TSHZ2: variants seen among roughly 807,000 people sequenced by gnomAD.
TSHZ2 encodes the protein teashirt zinc finger homeobox 2.
Under a neutral mutation model 74.4 loss-of-function variants are expected in TSHZ2, and 21 were observed. The ratio of observed to expected loss-of-function variants is 0.28; its 90% CI spans 0.20 to 0.41. TSHZ2 has a LOEUF of 0.41. Ranked by LOEUF, TSHZ2 falls within the 10% of genes least tolerant of loss-of-function variation. TSHZ2 has a pLI of 1.00. For synonymous variants in TSHZ2, 540 were observed against 515.3 expected (o/e 1.05, Z -0.65); for missense variants, 1,244 against 1,293.5 (o/e 0.96, Z 0.59).
rs1491157231 is a variant in TSHZ2, at chr20:53,074,086, A to AT, written c.40+100754dup. Among the ~76,000 whole-genome samples, 1 of 152,142 alleles carries AT rather than the reference A, an allele frequency of 6.6e-6. No individual in the cohort carries two copies. The highest frequency in any genetic ancestry group is 1.5e-5 in the Non-Finnish European group (1 of 68,042). Reference sequence around the variant, plus strand: ...TCGCAATTCTAGCATTGTAAAAGACATGTACATACAACTGTCTCTCACCTT... The same window carrying AT: ...TCGCAATTCTAGCATTGTAAAAGACATTGTACATACAACTGTCTCTCACCTT... On this transcript the variant is annotated intron_variant, in intron 1 of 2. Coordinates refer to ENST00000371497, the MANE Select transcript of TSHZ2 (RefSeq NM_173485.6). This position sits in a 1 kb window ranked among gnomAD's most constrained non-coding sequence, Gnocchi z 5.9.
At chr20:53,109,276 G>T (rs1030467715) in intron 1 of TSHZ2, among the ~76,000 whole-genome samples, 17 of 152,194 alleles carry the variant, frequency 1.1e-4, no homozygotes, top group Admixed American at 8.5e-4. Context: ...TGGCCCACAG[G>T]AAGTGCTCAT....
intron 1 of TSHZ2, among the ~76,000 whole-genome samples, chr20:53,248,372 C>A (rs1218511727): frequency 1.3e-5 from 2 of 152,002 alleles, no homozygotes; most frequent in Non-Finnish European, 2.9e-5. Flanking sequence ...CCATGCCCAG[C>A]CATTAACTTT....
At chr20:53,350,747 A>G (rs922276428) in intron 2 of TSHZ2, among the ~76,000 whole-genome samples, 1 of 152,230 alleles carries the variant, frequency 6.6e-6, no homozygotes, top group Admixed American at 6.5e-5. Flanking sequence ...TTTTTCACAA[A>G]GATGAAACAC....
At chr20:53,011,437 T>C (rs912419258) in intron 1 of TSHZ2, among the ~76,000 whole-genome samples, 2 of 152,206 alleles carry the variant, frequency 1.3e-5, no homozygotes, top group Non-Finnish European at 2.9e-5. Context: ...GGACCAACAG[T>C]GTTCATTCAT....
chr20:53,102,996 T>G (rs745664718), intron 1 of TSHZ2, among the ~76,000 whole-genome samples: 2 of 152,194 alleles, frequency 1.3e-5, no homozygotes, highest in African/African-American at 2.4e-5. Context: ...TACATTTGAG[T>G]ACCTTGCATG....
intron 1 of TSHZ2, among the ~76,000 whole-genome samples, chr20:53,016,566 C>G (rs185311085): frequency 5.3e-5 from 8 of 152,162 alleles, no homozygotes; most frequent in Non-Finnish European, 1.2e-4. Flanking sequence ...TATGAGCATT[C>G]CTGGTCCACA....
chr20:53,090,371 A>G (rs1434763654), intron 1 of TSHZ2, among the ~76,000 whole-genome samples: 1 of 152,074 alleles, frequency 6.6e-6, no homozygotes, highest in East Asian at 1.9e-4. Flanking sequence ...TCAAATCGAC[A>G]CTCAATATTA....
intron 1 of TSHZ2, among the ~76,000 whole-genome samples, chr20:52,994,740 C>T (rs964787595): frequency 6.6e-6 from 1 of 152,146 alleles, no homozygotes; most frequent in Admixed American, 6.5e-5. Context: ...TGGTTGGCCA[C>T]TCTGAGTGTT....
At chr20:53,317,514 C>A (rs772489983) in intron 2 of TSHZ2, among the ~76,000 whole-genome samples, 3 of 152,142 alleles carry the variant, frequency 2.0e-5, no homozygotes, top group African/African-American at 7.2e-5. Flanking sequence ...TCCTCTCCCC[C>A]ACCCCAGAAG....
intron 1 of TSHZ2, among the ~76,000 whole-genome samples, chr20:53,089,138 G>T (rs1336011506): frequency 6.6e-6 from 1 of 151,344 alleles, no homozygotes; most frequent in Non-Finnish European, 1.5e-5. Flanking sequence ...ATGTTCAACA[G>T]CATGTCAGCT....
chr20:53,314,380 G>A (rs779202807), intron 2 of TSHZ2, among the ~76,000 whole-genome samples: 20 of 152,134 alleles, frequency 1.3e-4, no homozygotes, highest in Non-Finnish European at 2.1e-4. Flanking sequence ...GCTTCAAGCA[G>A]CAAAGGTTTG....
At chr20:53,033,345 T>A (rs924542435) in intron 1 of TSHZ2, among the ~76,000 whole-genome samples, 17 of 152,182 alleles carry the variant, frequency 1.1e-4, no homozygotes, top group African/African-American at 3.9e-4. Flanking sequence ...TTTATCGAGT[T>A]TTTCCTACTG....
chr20:53,418,210 G>A (rs1254308256), intron 2 of TSHZ2, among the ~76,000 whole-genome samples: 1 of 152,144 alleles, frequency 6.6e-6, no homozygotes, highest in Non-Finnish European at 1.5e-5. Flanking sequence ...CCCATTCCAG[G>A]TTTTCCATCT....
intron 1 of TSHZ2, among the ~76,000 whole-genome samples, chr20:52,980,348 A>G (rs902819720): frequency 6.6e-6 from 1 of 152,138 alleles, no homozygotes; most frequent in South Asian, 2.1e-4. Context: ...AATTTAATTG[A>G]AAAGCTGTAG....
intron 1 of TSHZ2, among the ~76,000 whole-genome samples, chr20:53,201,879 A>C (rs1989016792): frequency 6.6e-6 from 1 of 152,166 alleles, no homozygotes; most frequent in Admixed American, 6.5e-5. Context: ...ATCTCCAGAC[A>C]TTGCCAAATG....
intron 2 of TSHZ2, among the ~76,000 whole-genome samples, chr20:53,348,454 G>A (rs930768240): frequency 1.3e-5 from 2 of 151,992 alleles, no homozygotes; most frequent in Non-Finnish European, 2.9e-5. Flanking sequence ...TAAATGAATT[G>A]AGGATAGTCA....
At chr20:53,095,236 C>T (rs1257846205) in intron 1 of TSHZ2, among the ~76,000 whole-genome samples, 2 of 152,220 alleles carry the variant, frequency 1.3e-5, no homozygotes, top group African/African-American at 4.8e-5. Flanking sequence ...CAGTCTCTCT[C>T]CTCGTGGTAA....
intron 1 of TSHZ2, among the ~76,000 whole-genome samples, chr20:53,199,763 G>T: frequency 6.6e-6 from 1 of 152,172 alleles, no homozygotes. Context: ...TAGAACAACT[G>T]GGCAAAGGTG....
intron 1 of TSHZ2, among the ~76,000 whole-genome samples, chr20:53,141,954 T>G (rs1030413299): frequency 6.6e-6 from 1 of 152,208 alleles, no homozygotes; most frequent in Non-Finnish European, 1.5e-5. Context: ...CACCTCCATC[T>G]GTGGGCAGGA....
Sources: gnomAD v4.1 joint callset for allele counts (sites outside exome capture counted in the v4.1 genomes callset) on GRCh38, gnomAD v4.1.1 for gene constraint, Gnocchi (gnomAD v3.1) non-coding constraint, MANE v1.5 for transcripts, NCBI Gene and HGNC (gene_info 2026-07-23, HGNC 2026-07-21) for gene names.